The following SYT1 variants were observed in gnomAD, a reference collection of about 807,000 sequenced individuals.
SYT1 encodes synaptotagmin 1.
SYT1 carries 8 observed loss-of-function variants against 44.8 expected under a neutral mutation model. The observed-to-expected ratio is 0.18, with a 90% confidence interval of 0.10 to 0.32. The LOEUF (loss-of-function observed/expected upper bound fraction) is 0.32. Among genes scored for constraint, SYT1 ranks in the 10% least tolerant of loss-of-function variants. The pLI is 1.00. For synonymous variants in SYT1, 154 were observed against 188.8 expected (o/e 0.82, Z 1.51); for missense variants, 286 against 509.3 (o/e 0.56, Z 4.22).
In SYT1 at chr12:78,929,050, T is replaced by C. The variant is rs139193314; in HGVS notation, c.-216-48749T>C. Among the ~76,000 whole-genome samples the C allele has an allele frequency of 6.8e-4, 104 of 152,184 alleles. 1 individual carries two copies. Among genetic ancestry groups the C allele is most frequent in the African/African-American group, 2.2e-3 (92 of 41,534 alleles). On this transcript the variant is annotated intron_variant, in intron 1 of 10. Coordinates refer to ENST00000261205, the MANE Select transcript of SYT1 (RefSeq NM_005639.3). Reference sequence around the variant, plus strand: ...AAAAAAAAGATGGTAGAAAATTACATATAGTTTTATTTTATGTCTTAAATA... The same window carrying C: ...AAAAAAAAGATGGTAGAAAATTACACATAGTTTTATTTTATGTCTTAAATA...
chr12:79,119,890 G>A (rs1433909086), intron 3 of SYT1, among the ~76,000 whole-genome samples: 1 of 152,012 alleles, frequency 6.6e-6, no homozygotes, highest in African/African-American at 2.4e-5. Flanking sequence ...CCAAGGCACA[G>A]ATGGGAAAAA....
chr12:79,071,548 T>G (rs370870842), intron 3 of SYT1, among the ~76,000 whole-genome samples: 2 of 152,194 alleles, frequency 1.3e-5, no homozygotes, highest in Non-Finnish European at 2.9e-5. Context: ...AACCACCAAT[T>G]TGCATAACCT....
chr12:79,350,645 A>G (rs1882860028), intron 8 of SYT1, among the ~76,000 whole-genome samples: 2 of 152,100 alleles, frequency 1.3e-5, no homozygotes, highest in Admixed American at 6.6e-5. Context: ...ATATTTGCAA[A>G]TATCCTAGAT....
At chr12:79,224,858 CA>C (rs1259441604) in intron 4 of SYT1, among the ~76,000 whole-genome samples, 3 of 151,310 alleles carry the variant, frequency 2.0e-5, no homozygotes, top group African/African-American at 7.3e-5. Context: ...CAGCTCACTG[CA>C]ACCTCCATCT....
At chr12:79,182,088 T>G (rs1872580666) in intron 3 of SYT1, among the ~76,000 whole-genome samples, 1 of 152,132 alleles carries the variant, frequency 6.6e-6, no homozygotes, top group South Asian at 2.1e-4. Flanking sequence ...TTACTTTGTC[T>G]TTGTCCTTTC....
chr12:79,387,436 G>T (rs1884479672), intron 9 of SYT1, among the ~76,000 whole-genome samples: 1 of 152,126 alleles, frequency 6.6e-6, no homozygotes, highest in Non-Finnish European at 1.5e-5. Context: ...CATTTAACTT[G>T]TCTGGGCATC....
intron 3 of SYT1, among the ~76,000 whole-genome samples, chr12:79,114,384 C>A (rs559873554): frequency 6.6e-6 from 1 of 152,242 alleles, no homozygotes; most frequent in African/African-American, 2.4e-5. Flanking sequence ...AATCTGGAGG[C>A]AGAATGAGTG....
chr12:79,102,680 T>A (rs1878508444), intron 3 of SYT1, among the ~76,000 whole-genome samples: 1 of 152,208 alleles, frequency 6.6e-6, no homozygotes, highest in Non-Finnish European at 1.5e-5. Flanking sequence ...ACTCAGCAAA[T>A]ACTGCGTGTG....
rs530930774 is a variant in SYT1, at chr12:79,269,972, A to G, written c.167-15815A>G. 3.3e-5 allele frequency among the ~76,000 whole-genome samples: 5 copies of G among 152,330 alleles called. No individual in the cohort carries two copies. The South Asian group carries it at 1.0e-3, about 32-fold the overall frequency. ...TACATACTTTTTCAAATATGCATTT[A>G]ATGTTCTGTCTCCAGAGGTGGCTAA... On this transcript the variant is annotated intron_variant, in intron 4 of 10. Transcript: ENST00000261205.
intron 1 of SYT1, among the ~76,000 whole-genome samples, chr12:78,902,616 G>A (rs1388571491): frequency 1.3e-5 from 2 of 151,962 alleles, no homozygotes; most frequent in Non-Finnish European, 2.9e-5. Flanking sequence ...TTTTCCAGGA[G>A]GTTTCTCATT....
chr12:79,039,623 T>A (rs1337538454), intron 2 of SYT1, among the ~76,000 whole-genome samples: 1 of 151,538 alleles, frequency 6.6e-6, no homozygotes, highest in South Asian at 2.1e-4. Flanking sequence ...TTTTTATTTT[T>A]TTATTTTTTT....
chr12:79,152,414 G>T (rs1235269184), intron 3 of SYT1, among the ~76,000 whole-genome samples: 1 of 152,088 alleles, frequency 6.6e-6, no homozygotes, highest in Non-Finnish European at 1.5e-5. Context: ...CTTATGAAGT[G>T]AGAATCGTTT....
At chr12:79,133,063 T>G (rs1458843091) in intron 3 of SYT1, among the ~76,000 whole-genome samples, 1 of 152,118 alleles carries the variant, frequency 6.6e-6, no homozygotes, top group Non-Finnish European at 1.5e-5. Context: ...AGGAAGAGAA[T>G]AGAATGATAG....
At chr12:79,201,738 G>C (rs1171053009) in intron 3 of SYT1, among the ~76,000 whole-genome samples, 2 of 152,140 alleles carry the variant, frequency 1.3e-5, no homozygotes, top group African/African-American at 4.8e-5. Context: ...AAAAGGTGCA[G>C]ATCTTCCATA....
chr12:79,275,915 G>T (rs1355931466), intron 4 of SYT1, among the ~76,000 whole-genome samples: 1 of 152,114 alleles, frequency 6.6e-6, no homozygotes, highest in African/African-American at 2.4e-5. Context: ...CCAGTACATA[G>T]CTACTACAAG....
chr12:79,295,131 C>T (rs373180597), intron 6 of SYT1, among the ~76,000 whole-genome samples: 1 of 152,038 alleles, frequency 6.6e-6, no homozygotes, highest in Non-Finnish European at 1.5e-5. Context: ...ACTGCATTTA[C>T]AAAATAGCAT....
chr12:78,931,287 G>A (rs1196207480), intron 1 of SYT1, among the ~76,000 whole-genome samples: 1 of 91,106 alleles, frequency 1.1e-5, no homozygotes, highest in East Asian at 4.0e-4. Context: ...AGGAAGGAAG[G>A]AAGGAAGGAA....
intron 2 of SYT1, among the ~76,000 whole-genome samples, chr12:79,005,380 T>C (rs999621632): frequency 1.3e-5 from 2 of 152,146 alleles, no homozygotes; most frequent in South Asian, 2.1e-4. Context: ...CAAACCTGGA[T>C]TGCAATCTCA....
chr12:79,371,812 T>A lies in SYT1; in HGVS notation c.928+18193T>A, dbSNP rs566315154. On this transcript the variant is annotated intron_variant, in intron 9 of 10. Transcript: ENST00000261205. ...CATAGCATCTTACCTTTTTCTTTTC[T>A]GCCCCTCCTTTTTTAGTTTGGTAAA... Among the ~76,000 whole-genome samples the A allele has an allele frequency of 7.0e-4, 106 of 152,362 alleles. 1 individual carries two copies. The highest frequency in any genetic ancestry group is 2.5e-3 in the African/African-American group (104 of 41,582).
Sources: allele counts gnomAD v4.1 joint callset (sites outside exome capture counted in the v4.1 genomes callset), GRCh38; gene constraint gnomAD v4.1.1; transcripts MANE v1.5; gene names NCBI Gene and HGNC (gene_info 2026-07-23, HGNC 2026-07-21).